The following RIT2 variants were observed in gnomAD, a reference collection of about 807,000 sequenced individuals.
RIT2 encodes the protein GTP-binding protein Rit2.
A neutral mutation model predicts 23.7 loss-of-function variants in RIT2; 24 were observed. The ratio of observed to expected loss-of-function variants is 1.01; its 90% CI spans 0.73 to 1.43. The LOEUF is 1.43. Among genes scored for constraint, RIT2 ranks in the 40% most tolerant of loss-of-function variants. The probability of loss-of-function intolerance (pLI) is 0.00; values close to 1 mark genes in which losing one functional copy is unlikely to be tolerated. For missense variants in RIT2, 236 were observed against 266.9 expected (o/e 0.88, Z 0.81); for synonymous variants, 107 against 91.1 (o/e 1.17, Z -0.99).
chr18:43,052,650 A>G (rs1912410241), intron 1 of RIT2, among the ~76,000 whole-genome samples: 1 of 151,996 alleles, frequency 6.6e-6, no homozygotes, highest in African/African-American at 2.4e-5. Flanking sequence ...TGCCCCAGTC[A>G]TGTCTCTTAT....
At position 42,844,674 on chromosome 18, in the gene RIT2, G is replaced by A. The variant is rs142201635; in HGVS notation, c.426+78898C>T. Among the ~76,000 whole-genome samples, 196 of 152,038 alleles carry A rather than the reference G, an allele frequency of 1.3e-3. 2 individuals carry two copies. The East Asian group carries it at 0.034, about 27-fold the overall frequency. ...CAGGATAGGCAGGGCAGGGTGGGGC[G>A]GGCAGTATGTAGTTTTGGAAAAGGC... On this transcript the variant is annotated intron_variant, in intron 4 of 4. Transcript: ENST00000326695.
At chr18:42,863,286 A>G (rs1907378482) in intron 4 of RIT2, among the ~76,000 whole-genome samples, 1 of 152,150 alleles carries the variant, frequency 6.6e-6, no homozygotes, top group African/African-American at 2.4e-5. Flanking sequence ...TTTGGAATTC[A>G]AGGGTATGTA....
chr18:42,794,841 C>T (rs1393147077), intron 4 of RIT2, among the ~76,000 whole-genome samples: 1 of 152,034 alleles, frequency 6.6e-6, no homozygotes, highest in Admixed American at 6.6e-5. Flanking sequence ...TTCTTTTAGC[C>T]TGATGAGAAA....
intron 4 of RIT2, among the ~76,000 whole-genome samples, chr18:42,804,821 A>C (rs1905637115): frequency 6.6e-6 from 1 of 152,130 alleles, no homozygotes. Flanking sequence ...GCAGGCATAA[A>C]TTTTAAAACC....
intron 4 of RIT2, among the ~76,000 whole-genome samples, chr18:42,808,475 T>C (rs566736082): frequency 6.6e-6 from 1 of 152,324 alleles, no homozygotes; most frequent in South Asian, 2.1e-4. Context: ...CGAAACCTGA[T>C]TCTATATCTT....
intron 3 of RIT2, among the ~76,000 whole-genome samples, chr18:42,952,410 G>A (rs1376400532): frequency 6.6e-6 from 1 of 152,030 alleles, no homozygotes; most frequent in African/African-American, 2.4e-5. Context: ...TAGTCAAAAG[G>A]TACAAAGCTT....
intron 4 of RIT2, among the ~76,000 whole-genome samples, chr18:42,773,459 G>A (rs1263724428): frequency 2.0e-5 from 3 of 152,146 alleles, no homozygotes; most frequent in African/African-American, 7.2e-5. Flanking sequence ...GGGTGTGGTC[G>A]ACTAGGTTTT....
chr18:42,927,805 T>C (rs1284534876), intron 3 of RIT2, among the ~76,000 whole-genome samples: 2 of 152,072 alleles, frequency 1.3e-5, no homozygotes, highest in African/African-American at 2.4e-5. Flanking sequence ...TCAGTTGCCT[T>C]TGATATACTC....
chr18:42,897,287 T>A (rs986199698), intron 4 of RIT2, among the ~76,000 whole-genome samples: 1 of 152,202 alleles, frequency 6.6e-6, no homozygotes, highest in African/African-American at 2.4e-5. Context: ...TCTGATCTGA[T>A]GGCGCTGGGG....
chr18:42,964,078 C>T (rs1910155176), intron 3 of RIT2, among the ~76,000 whole-genome samples: 1 of 151,842 alleles, frequency 6.6e-6, no homozygotes, highest in Non-Finnish European at 1.5e-5. Flanking sequence ...GTAATTTCAG[C>T]TACTTGGGAG....
At chr18:43,006,566 G>T (rs1325071540) in intron 2 of RIT2, among the ~76,000 whole-genome samples, 1 of 151,430 alleles carries the variant, frequency 6.6e-6, no homozygotes, top group African/African-American at 2.4e-5. Context: ...CAGAAATAAA[G>T]GCTTAAGTAG....
At chr18:43,005,789 G>A (rs189692094) in intron 2 of RIT2, among the ~76,000 whole-genome samples, 1 of 151,862 alleles carries the variant, frequency 6.6e-6, no homozygotes, top group East Asian at 1.9e-4. Context: ...CAGCATATGT[G>A]TAAGAGAAAA....
At chr18:42,915,589 T>G (rs1356253310) in intron 4 of RIT2, among the ~76,000 whole-genome samples, 1 of 151,926 alleles carries the variant, frequency 6.6e-6, no homozygotes, top group African/African-American at 2.4e-5. Context: ...GTAAGACAAT[T>G]TAAATAAAGA....
At chr18:42,970,331 A>G (rs1194527071) in intron 3 of RIT2, among the ~76,000 whole-genome samples, 2 of 152,100 alleles carry the variant, frequency 1.3e-5, no homozygotes, top group African/African-American at 4.8e-5. Flanking sequence ...GAAGACATCA[A>G]TCATAGCCTT....
At chr18:42,829,951 TA>T (rs1906408983) in intron 4 of RIT2, among the ~76,000 whole-genome samples, 1 of 151,700 alleles carries the variant, frequency 6.6e-6, no homozygotes, top group South Asian at 2.1e-4. Context: ...GTAATAGAAA[TA>T]AAGAGGATTG....
chr18:42,774,619 T>G (rs1913625635), intron 4 of RIT2, among the ~76,000 whole-genome samples: 1 of 115,696 alleles, frequency 8.6e-6, no homozygotes, highest in Non-Finnish European at 2.0e-5. Context: ...TCAAATTGAC[T>G]AGACTTTTTT....
chr18:42,815,976 A>T (rs1487209986), intron 4 of RIT2, among the ~76,000 whole-genome samples: 1 of 152,138 alleles, frequency 6.6e-6, no homozygotes, highest in Non-Finnish European at 1.5e-5. Flanking sequence ...CAGTTGAAAG[A>T]CTTGGCTTTC....
chr18:43,079,778 C>T (rs557047453), intron 1 of RIT2, among the ~76,000 whole-genome samples: 2 of 152,298 alleles, frequency 1.3e-5, no homozygotes, highest in South Asian at 4.1e-4. Flanking sequence ...TCATCAGACT[C>T]ACTGTCGGTC....
intron 4 of RIT2, among the ~76,000 whole-genome samples, chr18:42,807,607 A>C (rs1024895298): frequency 6.6e-6 from 1 of 152,208 alleles, no homozygotes; most frequent in Non-Finnish European, 1.5e-5. Flanking sequence ...GCAAGAGCGA[A>C]ACTCCGTCTC....
Sources: allele counts gnomAD v4.1 joint callset (sites outside exome capture counted in the v4.1 genomes callset), GRCh38; gene constraint gnomAD v4.1.1; transcripts MANE v1.5; gene names NCBI Gene and HGNC (gene_info 2026-07-23, HGNC 2026-07-21).